Variants in ZNF384 observed in about 807,000 individuals in gnomAD.
ZNF384 encodes CAG repeat protein 1.
A neutral mutation model predicts 65.0 loss-of-function variants in ZNF384; 20 were observed. The observed-to-expected ratio is 0.31, with a 90% CI of 0.22 to 0.45. The LOEUF (loss-of-function observed/expected upper bound fraction) is 0.45. ZNF384 is among the 20% of genes least tolerant of loss of function. The probability of loss-of-function intolerance (pLI) is 1.00; values close to 1 mark genes in which losing one functional copy is unlikely to be tolerated. For synonymous variants in ZNF384, 310 were observed against 303.9 expected, an observed-to-expected ratio of 1.02 and a Z score of -0.21; for missense variants, 549 against 769.4, an observed-to-expected ratio of 0.71 and a Z score of 3.39.
rs1362277391 is a variant in ZNF384, at chr12:6,679,051, T to C, written c.199A>G (p.Met67Val). 1 of 1,613,852 alleles carries C rather than the reference T, an allele frequency of 6.2e-7. No homozygotes were observed. Among genetic ancestry groups the C allele is most frequent in the Non-Finnish European group, 8.5e-7 (1 of 1,180,018 alleles). The change falls in exon 4 of 12, where the codon ATG becomes GTG. Residue 67 changes from methionine (M) to valine (V), a missense_variant. Met to Val is a conservative substitution (Grantham distance 21). Transcript: ENST00000683879. Reference sequence around the variant, plus strand: ...TGGTCTGACTTGGACTCTGTGTCCATACTGATGCCTGAGGGCAGGGACACT... The same window carrying C: ...TGGTCTGACTTGGACTCTGTGTCCACACTGATGCCTGAGGGCAGGGACACT... ...ASVSLPSGIS[M>V]DTESKSDQLT...
rs1013924001 is a variant in ZNF384 at position 6,687,077 on chromosome 12, C to G, written c.-6+1090G>C. 3.3e-5 allele frequency among the ~76,000 whole-genome samples: 5 copies of G among 152,190 alleles called. No homozygotes were observed. In the South Asian group the frequency reaches 1.0e-3, roughly 32 times the overall value. On this transcript the variant is annotated intron_variant, in intron 2 of 11. Transcript: ENST00000683879. Reference sequence around the variant, plus strand: ...TTTTTTTTGTTTCTCCAAAAGGAAACAAAATCTCTTTCTCTCAGGGTCTAA... The same window carrying G: ...TTTTTTTTGTTTCTCCAAAAGGAAAGAAAATCTCTTTCTCTCAGGGTCTAA...
At chr12:6,677,021 ATAAC>A in intron 7 of ZNF384, 142 bp downstream of exon 7, 1 of 326,746 alleles carries the variant, frequency 3.1e-6, no homozygotes, top group Non-Finnish European at 6.0e-6. Flanking sequence ...TAAATGCTAA[ATAAC>A]TAATTTCTTA....
At chr12:6,681,941 A>G (rs1956119518) in intron 2 of ZNF384, among the ~76,000 whole-genome samples, 1 of 152,128 alleles carries the variant, frequency 6.6e-6, no homozygotes, top group African/African-American at 2.4e-5. Flanking sequence ...AAACACAATA[A>G]AACTAATCAG....
Position 6,677,206 on chromosome 12 carries a change from G to A in ZNF384, c.740C>T (p.Ser247Leu). ...GNGQSLGLMDSVPGSTTNLLC... is the reference protein window; with the variant it reads ...GNGQSLGLMDLVPGSTTNLLC... ...CAAATTCGTGGTGGAGCCGGGAACT[G>A]AATCCATGAGCCCAAGGCTCTGTCC... Residue 247 changes from serine to leucine, a missense_variant, in exon 7 of 12, where the codon TCA becomes TTA. Ser to Leu is a moderately radical substitution (Grantham distance 145). Around this residue, in one of 5 missense-constraint regions of ZNF384, gnomAD observed 277 missense variants for 337.2 expected, o/e 0.82. Coordinates refer to ENST00000683879, the MANE Select transcript of ZNF384 (RefSeq NM_001385745.1). 1.6e-6 allele frequency: 2 copies of A among 1,279,090 alleles called. No individual in the cohort carries two copies. The highest frequency in any genetic ancestry group is 2.1e-6 in the Non-Finnish European group (2 of 970,988). 79.2% of individuals were successfully genotyped at this position (1,279,090 alleles called of 1,614,324 possible).
At position 6,672,883 on chromosome 12, in the gene ZNF384, G is replaced by A. The variant is rs532350599; in HGVS notation, c.1004+333C>T. On this transcript the variant is annotated intron_variant, in intron 8 of 11. Coordinates refer to ENST00000683879, the MANE Select transcript of ZNF384 (RefSeq NM_001385745.1). The surrounding 1 kb of genome is among the most constrained non-coding windows in gnomAD (Gnocchi z 4.4). ...AGTAATCTGAACAAAGACCAATACC[G>A]CCTGTTCCCCATGGACCTGAAGTTG... Among the ~76,000 whole-genome samples the A allele has an allele frequency of 1.3e-5, 2 of 152,162 alleles. No individual in the cohort carries two copies. The highest frequency in any genetic ancestry group is 2.1e-4 in the South Asian group (1 of 4,822).
In ZNF384 at chr12:6,672,473, T is replaced by C. The variant is rs755602657; in HGVS notation, c.1064A>G (p.Lys355Arg). The C allele has an allele frequency of 4.0e-5, 64 of 1,613,984 alleles. No individual in the cohort carries two copies. Among genetic ancestry groups the C allele is most frequent in the Non-Finnish European group, 4.9e-5 (58 of 1,180,004 alleles). The change falls in exon 9 of 12, where the codon AAG (lysine) becomes AGG (arginine). Residue 355 changes from lysine (K) to arginine (R), a missense_variant. Coordinates refer to ENST00000683879, the MANE Select transcript of ZNF384 (RefSeq NM_001385745.1). The surrounding 1 kb of genome is among the most constrained non-coding windows in gnomAD (Gnocchi z 4.4). ...CAGGTAGGAGGTGTTGGCGAAGGTC[T>C]TGGAGCAGTGCGGGCACTTGTGGGG... ...IKPHKCPHCS[K>R]TFANTSYLAQ...
chr12:6,688,098 AC>A (rs1958616156), intron 2 of ZNF384, 68 bp downstream of exon 2: 1 of 152,614 alleles, frequency 6.6e-6, no homozygotes, highest in Non-Finnish European at 1.5e-5. Flanking sequence ...AAACACACAC[AC>A]GCCCCATTTG....
chr12:6,676,287 C>G (rs184597681), intron 7 of ZNF384, among the ~76,000 whole-genome samples: 5 of 151,612 alleles, frequency 3.3e-5, no homozygotes, highest in Non-Finnish European at 7.4e-5. Flanking sequence ...GGCGACAGAG[C>G]GAGACTCCGT....
intron 9 of ZNF384, chr12:6,671,435 C>CTTTTT: frequency 6.5e-6 from 1 of 152,720 alleles, no homozygotes; most frequent in Non-Finnish European, 1.5e-5. Flanking sequence ...GGGCCCTCTG[C>CTTTTT]TAAGATGAGC....
chr12:6,674,758 A>T (rs1330809089), intron 7 of ZNF384, among the ~76,000 whole-genome samples: 1 of 152,246 alleles, frequency 6.6e-6, no homozygotes, highest in Non-Finnish European at 1.5e-5. Flanking sequence ...GGTCTGTAAA[A>T]TGGAAAGATA....
At position 6,672,946 on chromosome 12, in the gene ZNF384, A is replaced by T. The variant is rs1435732684; in HGVS notation, c.1004+270T>A. ...GGCTCTGAACTGAAGCATATAGTAAAAGCAGGCCTGCTCTGCAGAAGATTT... is the reference window on the plus strand; with the variant it reads ...GGCTCTGAACTGAAGCATATAGTAATAGCAGGCCTGCTCTGCAGAAGATTT... On this transcript the variant is annotated intron_variant, in intron 8 of 11. Transcript: ENST00000683879. The surrounding 1 kb of genome is among the most constrained non-coding windows in gnomAD (Gnocchi z 4.4). 4.0e-6 allele frequency: 2 copies of T among 501,878 alleles called. No individual in the cohort carries two copies. The highest frequency in any genetic ancestry group is 3.8e-5 in the African/African-American group (2 of 52,144). 31.1% of individuals were successfully genotyped at this position (501,878 alleles called of 1,614,324 possible). A position where few individuals can be genotyped will look rare whatever the true frequency, so the allele number is the denominator to read the frequency against.
Position 6,679,138 on chromosome 12 carries a change from G to T in ZNF384, c.112C>A (p.Pro38Thr), listed in dbSNP as rs775872806. ...FINKMKDQLL[P>T]EKGCGLAPPH... ...GGGGCCAGACCACAGCCCTTCTCTG[G>T]CAACAGCTGATCCTTCATCTTGTTG... The change falls in exon 4 of 12, where the codon CCA becomes ACA. Residue 38 changes from proline (P) to threonine (T), a missense_variant. Physicochemically the swap from Pro to Thr is conservative, Grantham distance 38. Transcript: ENST00000683879. 1 of 1,605,288 alleles carries T rather than the reference G, an allele frequency of 6.2e-7. No homozygotes were observed. Among genetic ancestry groups the T allele is most frequent in the Non-Finnish European group, 8.5e-7 (1 of 1,174,498 alleles).
Position 6,673,375 on chromosome 12 carries a change from G to A in ZNF384, c.845C>T (p.Thr282Ile), listed in dbSNP as rs189033097. 1 of 1,614,126 alleles carries A rather than the reference G, an allele frequency of 6.2e-7. No individual in the cohort carries two copies. Among genetic ancestry groups the A allele is most frequent in the African/African-American group, 1.3e-5 (1 of 75,028 alleles). ...SEMQIHSKSHTETKPHKCPHC... is the reference protein window; with the variant it reads ...SEMQIHSKSHIETKPHKCPHC... ...TGGGCACTTGTGGGGCTTGGTCTCG[G>A]TGTGTGACTTGGAGTGGATCTGCAT... Residue 282 changes from threonine (T) to isoleucine (I), a missense_variant, in exon 8 of 12, where the codon ACC (threonine) becomes ATC (isoleucine). Transcript: ENST00000683879. This position sits in a 1 kb window ranked among gnomAD's most constrained non-coding sequence, Gnocchi z 4.7.
At position 6,678,619 on chromosome 12, in the gene ZNF384, C is replaced by T. The variant is rs749247940; in HGVS notation, c.352+44G>A. The T allele has an allele frequency of 6.2e-7, 1 of 1,604,480 alleles. No individual in the cohort carries two copies. The highest frequency in any genetic ancestry group is 8.5e-7 in the Non-Finnish European group (1 of 1,174,536). ...CCAAACCCTGTAGAAAAATAATGGTCTCCTAACCCTTGTCCCCACCCCCCT... is the reference window on the plus strand; with the variant it reads ...CCAAACCCTGTAGAAAAATAATGGTTTCCTAACCCTTGTCCCCACCCCCCT... On this transcript the variant is annotated intron_variant, in intron 5 of 11. Coordinates refer to ENST00000683879, the MANE Select transcript of ZNF384 (RefSeq NM_001385745.1). This position sits in a 1 kb window ranked among gnomAD's most constrained non-coding sequence, Gnocchi z 4.9.
chr12:6,680,823 GCA>G (rs2137059695), intron 2 of ZNF384, among the ~76,000 whole-genome samples: 1 of 152,296 alleles, frequency 6.6e-6, no homozygotes, highest in Non-Finnish European at 1.5e-5. Flanking sequence ...AAGTGTCCTG[GCA>G]CTAGTAGTAA....
Position 6,672,588 on chromosome 12 carries a change from C to A in ZNF384, c.1005-56G>T. Reference sequence around the variant, plus strand: ...GGAGGAAGCAGTTCGACACCAGGGGCTCAGCTCTCTGCTGGGTGAAATGAC... The same window carrying A: ...GGAGGAAGCAGTTCGACACCAGGGGATCAGCTCTCTGCTGGGTGAAATGAC... On this transcript the variant is annotated intron_variant, in intron 8 of 11. Transcript: ENST00000683879. The surrounding 1 kb of genome is among the most constrained non-coding windows in gnomAD (Gnocchi z 4.4). The A allele has an allele frequency of 1.3e-6, 2 of 1,547,564 alleles. No homozygotes were observed. Among genetic ancestry groups the A allele is most frequent in the Admixed American group, 1.8e-5 (1 of 56,114 alleles).
chr12:6,671,965 AG>A (rs755915967), intron 9 of ZNF384: 43 of 170,332 alleles, frequency 2.5e-4, no homozygotes, highest in Non-Finnish European at 4.8e-4. Flanking sequence ...TGGTGCCCTA[AG>A]GGCTAGAGGT....
Position 6,668,120 on chromosome 12 carries a change from G to A in ZNF384, c.1426-5C>T, listed in dbSNP as rs753637118. The A allele has an allele frequency of 3.8e-6, 6 of 1,565,926 alleles. No individual in the cohort carries two copies. Among genetic ancestry groups the A allele is most frequent in the Non-Finnish European group, 5.2e-6 (6 of 1,156,046 alleles). ...ATGTTTCATAAGGTATGTTTCCTGA[G>A]GGAGATGGTAAAAAGAAGTTGAGGG... On this transcript the variant is annotated splice_polypyrimidine_tract_variant and splice_region_variant and intron_variant, in intron 11 of 11. Coordinates refer to ENST00000683879, the MANE Select transcript of ZNF384 (RefSeq NM_001385745.1).
At chr12:6,668,167 T>G in intron 11 of ZNF384, 52 bp from the exon 12 acceptor site, 1 of 1,494,890 alleles carries the variant, frequency 6.7e-7, no homozygotes, top group Non-Finnish European at 9.0e-7. Flanking sequence ...GGAAAAGAGA[T>G]TACTTGTAAC....
Sources: gnomAD v4.1 joint callset for allele counts (sites outside exome capture counted in the v4.1 genomes callset) on GRCh38, gnomAD v4.1.1 for gene constraint, gnomAD v4.1.1 regional missense constraint, Gnocchi (gnomAD v3.1) non-coding constraint, MANE v1.5 for transcripts, NCBI Gene and HGNC (gene_info 2026-07-23, HGNC 2026-07-21) for gene names.